Variants in MTOR observed in about 807,000 individuals in gnomAD.
The protein encoded by MTOR is serine/threonine-protein kinase mTOR.
Under a neutral mutation model 319.8 loss-of-function variants are expected in MTOR, and 70 were observed. The ratio of observed to expected loss-of-function variants is 0.22; its 90% CI spans 0.18 to 0.27. MTOR has a LOEUF of 0.27. Ranked by LOEUF, MTOR falls within the 10% of genes least tolerant of loss-of-function variation. The probability of loss-of-function intolerance (pLI) is 1.00; values close to 1 mark genes in which losing one functional copy is unlikely to be tolerated. For synonymous variants in MTOR, 1,183 were observed against 1,211.4 expected (o/e 0.98, Z 0.49); for missense variants, 1,890 against 3,274.4 (o/e 0.58, Z 10.32).
At chr1:11,147,106 C>T (rs2100521640) in intron 31 of MTOR, among the ~76,000 whole-genome samples, 1 of 152,310 alleles carries the variant, frequency 6.6e-6, no homozygotes, top group South Asian at 2.1e-4. Context: ...ACCTCATTAT[C>T]CTAGAGAACT....
In MTOR at chr1:11,232,221, C is replaced by T. The variant is rs117348385; in HGVS notation, c.2514+215G>A. Reference sequence around the variant, plus strand: ...TAGACAAAATGGCACTAGTCAGCCCCGATAATTACTGAAACTGACTCTGGG... The same window carrying T: ...TAGACAAAATGGCACTAGTCAGCCCTGATAATTACTGAAACTGACTCTGGG... On this transcript the variant is annotated intron_variant, in intron 16 of 57. Coordinates refer to ENST00000361445, the MANE Select transcript of MTOR (RefSeq NM_004958.4). Among the ~76,000 whole-genome samples the T allele has an allele frequency of 2.7e-3, 407 of 152,282 alleles. 8 individuals carry two copies. The East Asian group carries it at 0.036, about 13-fold the overall frequency.
intron 36 of MTOR, among the ~76,000 whole-genome samples, chr1:11,138,686 G>T (rs1281278945): frequency 6.6e-6 from 1 of 152,168 alleles, no homozygotes; most frequent in East Asian, 1.9e-4. Context: ...GGAAGCCAAA[G>T]CAGGTGATGA....
At chr1:11,237,062 G>A (rs1647306475) in intron 13 of MTOR, among the ~76,000 whole-genome samples, 1 of 152,146 alleles carries the variant, frequency 6.6e-6, no homozygotes. Flanking sequence ...TTCCTTATAT[G>A]TTATAAAAAG....
Position 11,199,493 on chromosome 1 carries a change from A to C in MTOR, c.4107+48T>G. On this transcript the variant is annotated intron_variant, in intron 27 of 57. Coordinates refer to ENST00000361445, the MANE Select transcript of MTOR (RefSeq NM_004958.4). The surrounding 1 kb of genome is among the most constrained non-coding windows in gnomAD (Gnocchi z 4.5). Reference sequence around the variant, plus strand: ...GTGTGGATGCTTCTCTCCTCCCACCAGCTGGTTCCCTGTCAGCCTCCATCT... The same window carrying C: ...GTGTGGATGCTTCTCTCCTCCCACCCGCTGGTTCCCTGTCAGCCTCCATCT... 1 of 1,613,736 alleles carries C rather than the reference A, an allele frequency of 6.2e-7. No homozygotes were observed. The highest frequency in any genetic ancestry group is 1.1e-5 in the South Asian group (1 of 91,078).
In MTOR at chr1:11,114,834, T is replaced by C; in HGVS notation, c.7143A>G (p.Arg2381=). The change falls in exon 52 of 58, where the codon AGA becomes AGG. Residue 2381 remains arginine, a synonymous_variant. Transcript: ENST00000361445. ...TCACCTCCATAGCATTGGTCAACAT[T>C]CTTGTTAGTCTAAATGGAATCTTCT... is the stretch of plus-strand genomic sequence containing the variant. ...FPEKIPFRLT[R]MLTNAMEVTG... is the part of the protein sequence containing the mutation. 6.2e-7 allele frequency: 1 copy of C among 1,614,162 alleles called. No homozygotes were observed. The highest frequency in any genetic ancestry group is 8.5e-7 in the Non-Finnish European group (1 of 1,180,014).
chr1:11,204,367 T>G (rs1361170695), intron 26 of MTOR, among the ~76,000 whole-genome samples, 194 bp downstream of exon 26: 1 of 152,244 alleles, frequency 6.6e-6, no homozygotes, highest in African/African-American at 2.4e-5. Flanking sequence ...AAAAAGGAAT[T>G]TGTGGTCTAC....
Position 11,233,380 on chromosome 1 carries a change from A to T in MTOR, c.2421+18T>A, listed in dbSNP as rs540327812. 2 of 1,609,382 alleles carry T rather than the reference A, an allele frequency of 1.2e-6. No homozygotes were observed. Among genetic ancestry groups the T allele is most frequent in the South Asian group, 2.2e-5 (2 of 90,706 alleles). ...TTCCACCCTATCTCCGCTATGGAAAAAGTAGCTGCCCCTTTACCTGTGCCA... is the reference window on the plus strand; with the variant it reads ...TTCCACCCTATCTCCGCTATGGAAATAGTAGCTGCCCCTTTACCTGTGCCA... On this transcript the variant is annotated intron_variant, in intron 15 of 57. Transcript: ENST00000361445.
At chr1:11,107,612 T>C in intron 57 of MTOR, 112 bp from the exon 58 acceptor site, 1 of 1,141,832 alleles carries the variant, frequency 8.8e-7, no homozygotes, top group Non-Finnish European at 1.2e-6. Flanking sequence ...GGGTATTCCC[T>C]GAGCTCTCCC....
rs531763068 is a variant in MTOR at position 11,117,695 on chromosome 1, A to C, written c.6934-609T>G. Among the ~76,000 whole-genome samples the C allele has an allele frequency of 1.8e-4, 28 of 152,288 alleles. No individual in the cohort carries two copies. In the Middle Eastern group the frequency reaches 0.027, roughly 148 times the overall value. ...AGATGACGATAGCCCCTGAGAAGGGACTTGTATTAACACCATGGAACTTGA... is the reference window on the plus strand; with the variant it reads ...AGATGACGATAGCCCCTGAGAAGGGCCTTGTATTAACACCATGGAACTTGA... On this transcript the variant is annotated intron_variant, in intron 49 of 57. Transcript: ENST00000361445.
chr1:11,107,532 A>G (rs1189873318), intron 57 of MTOR, 32 bp from the exon 58 acceptor site: 1 of 1,610,728 alleles, frequency 6.2e-7, no homozygotes, highest in South Asian at 1.1e-5. Context: ...GAATATTTTA[A>G]TAATTTGAGC....
At position 11,256,096 on chromosome 1, in the gene MTOR, G is replaced by A. The variant is rs2100975129; in HGVS notation, c.601C>T (p.Pro201Ser). 1 of 1,614,134 alleles carries A rather than the reference G, an allele frequency of 6.2e-7. No individual in the cohort carries two copies. Among genetic ancestry groups the A allele is most frequent in the South Asian group, 1.1e-5 (1 of 91,086 alleles). ...GCTCCCTCACGGATGGCCTGTTTGG[G>A]GTCCCACACGGCCACAAAAATGTTG... ...FDNIFVAVWD[P>S]KQAIREGAVA... is the part of the protein sequence containing the mutation. The change falls in exon 5 of 58, where the codon CCC becomes TCC. Residue 201 changes from proline to serine, a missense_variant. Physicochemically the swap from Pro to Ser is moderately conservative, Grantham distance 74. Coordinates refer to ENST00000361445, the MANE Select transcript of MTOR (RefSeq NM_004958.4).
chr1:11,148,928 G>GTGTA (rs1553178030), intron 31 of MTOR, among the ~76,000 whole-genome samples: 76 of 146,606 alleles, frequency 5.2e-4, no homozygotes, highest in South Asian at 4.6e-3. Flanking sequence ...GTGTGTGTGT[G>GTGTA]TATATATATA....
intron 30 of MTOR, among the ~76,000 whole-genome samples, chr1:11,151,694 T>A (rs1277812029): frequency 6.6e-6 from 1 of 152,240 alleles, no homozygotes; most frequent in African/African-American, 2.4e-5. Flanking sequence ...GCACAGCTCA[T>A]CTGCACAGCA....
chr1:11,233,516 T>C, intron 14 of MTOR, 29 bp from the exon 15 acceptor site: 1 of 1,554,262 alleles, frequency 6.4e-7, no homozygotes, highest in Non-Finnish European at 8.9e-7. Context: ...AGAAAATGAA[T>C]GCAGATTAGA....
At chr1:11,244,378 A>T (rs1423213820) in intron 8 of MTOR, among the ~76,000 whole-genome samples, 4 of 151,768 alleles carry the variant, frequency 2.6e-5, no homozygotes, top group African/African-American at 9.7e-5. Context: ...CACGCCTGTA[A>T]TCCCAACACT....
intron 30 of MTOR, among the ~76,000 whole-genome samples, chr1:11,151,768 C>T (rs769152188): frequency 1.5e-4 from 23 of 152,204 alleles, no homozygotes; most frequent in Non-Finnish European, 2.6e-4. Flanking sequence ...AATGGTCCTT[C>T]CAACCCTATA....
intron 29 of MTOR, among the ~76,000 whole-genome samples, chr1:11,164,493 A>G (rs1379812006): frequency 6.6e-6 from 1 of 152,216 alleles, no homozygotes; most frequent in Non-Finnish European, 1.5e-5. Context: ...TAGAAAATCT[A>G]GAAGAAATGG....
rs1483608050 is a variant in MTOR, at chr1:11,141,921, A to C, written c.4873-2263T>G. Among the ~76,000 whole-genome samples the C allele has an allele frequency of 3.3e-5, 5 of 151,470 alleles. No individual in the cohort carries two copies. The East Asian group carries it at 9.8e-4, about 30-fold the overall frequency. On this transcript the variant is annotated intron_variant, in intron 34 of 57. Coordinates refer to ENST00000361445, the MANE Select transcript of MTOR (RefSeq NM_004958.4). Reference sequence around the variant, plus strand: ...GAGGCTGAGGCAGAAGAATGGCGTGAACTTGGGAGGCGGAGCTTGCAGTAA... The same window carrying C: ...GAGGCTGAGGCAGAAGAATGGCGTGCACTTGGGAGGCGGAGCTTGCAGTAA...
intron 28 of MTOR, among the ~76,000 whole-genome samples, chr1:11,191,500 G>A (rs1645529361): frequency 6.6e-6 from 1 of 152,108 alleles, no homozygotes; most frequent in Non-Finnish European, 1.5e-5. Flanking sequence ...TAGCAGGCAG[G>A]AAGCTTCTCT....
Sources: gnomAD v4.1 joint callset for allele counts (sites outside exome capture counted in the v4.1 genomes callset) on GRCh38, gnomAD v4.1.1 for gene constraint, Gnocchi (gnomAD v3.1) non-coding constraint, MANE v1.5 for transcripts, NCBI Gene and HGNC (gene_info 2026-07-23, HGNC 2026-07-21) for gene names.